The following SMIM35 variants were observed in gnomAD, a reference collection of about 807,000 sequenced individuals.
The protein encoded by SMIM35 is TMPRSS4 antisense RNA 1 (non-protein coding).
chr11:118,064,885 T>C (rs1355047513), intron 1 of SMIM35, among the ~76,000 whole-genome samples: 1 of 152,262 alleles, frequency 6.6e-6, no homozygotes, highest in African/African-American at 2.4e-5. Context: ...ACTCAAGCGA[T>C]ATACCCGCCT....
intron 1 of SMIM35, among the ~76,000 whole-genome samples, chr11:118,066,774 G>A (rs369718501): frequency 1.4e-4 from 21 of 151,502 alleles, no homozygotes; most frequent in African/African-American, 5.1e-4. Context: ...GCAGTGAGTC[G>A]TGATCCTGCC....
At chr11:118,040,044 C>CAAAA (rs35273108) in intron 1 of SMIM35, among the ~76,000 whole-genome samples, 18 of 102,184 alleles carry the variant, frequency 1.8e-4, no homozygotes, top group East Asian at 2.9e-4. Flanking sequence ...GACCTTATCT[C>CAAAA]AAAAAAAAAA....
intron 1 of SMIM35, among the ~76,000 whole-genome samples, chr11:118,081,954 C>T (rs1393103618): frequency 6.6e-6 from 1 of 152,184 alleles, no homozygotes; most frequent in Non-Finnish European, 1.5e-5. Flanking sequence ...CTGATGTCCA[C>T]AAGAAGGGGC....
chr11:118,054,276 G>A (rs1474968289), intron 1 of SMIM35, among the ~76,000 whole-genome samples: 1 of 151,492 alleles, frequency 6.6e-6, no homozygotes, highest in Non-Finnish European at 1.5e-5. Context: ...TGGACGCATT[G>A]TGCATGTACA....
At chr11:118,066,686 T>C (rs954182535) in intron 1 of SMIM35, among the ~76,000 whole-genome samples, 5 of 152,094 alleles carry the variant, frequency 3.3e-5, no homozygotes, top group African/African-American at 1.2e-4. Flanking sequence ...CAAATTATCT[T>C]AGCCGGGCAT....
At chr11:118,051,763 C>T (rs1944217559) in intron 1 of SMIM35, among the ~76,000 whole-genome samples, 1 of 152,192 alleles carries the variant, frequency 6.6e-6, no homozygotes, top group Admixed American at 6.5e-5. Flanking sequence ...TCTGTGGTTT[C>T]ACCTCTACAG....
intron 1 of SMIM35, among the ~76,000 whole-genome samples, chr11:118,024,861 C>T (rs2058261285): frequency 6.6e-6 from 1 of 152,090 alleles, no homozygotes; most frequent in Admixed American, 6.5e-5. Flanking sequence ...TACAAATGAT[C>T]CCATTACCCG....
At chr11:118,047,052 C>G (rs1300756797) in intron 1 of SMIM35, among the ~76,000 whole-genome samples, 1 of 152,130 alleles carries the variant, frequency 6.6e-6, no homozygotes, top group African/African-American at 2.4e-5. Context: ...AAGATAAAGT[C>G]AAGGAATAGA....
intron 1 of SMIM35, among the ~76,000 whole-genome samples, chr11:118,032,657 C>A (rs2058328750): frequency 1.3e-5 from 2 of 152,104 alleles, no homozygotes; most frequent in Non-Finnish European, 2.9e-5. Flanking sequence ...CCTGTAATCC[C>A]AGCCTTTGAG....
chr11:118,079,239 G>A (rs1018434338), intron 1 of SMIM35, among the ~76,000 whole-genome samples: 1 of 152,128 alleles, frequency 6.6e-6, no homozygotes, highest in African/African-American at 2.4e-5. Flanking sequence ...ACCCTTGACA[G>A]CCATAGCTCC....
chr11:118,057,510 G>A (rs141145256), intron 1 of SMIM35, among the ~76,000 whole-genome samples: 5 of 152,286 alleles, frequency 3.3e-5, no homozygotes, highest in African/African-American at 9.6e-5. Context: ...AGACTCCGCT[G>A]GGCGCTGGAG....
At chr11:118,078,691 G>T (rs1944884708) in intron 1 of SMIM35, among the ~76,000 whole-genome samples, 2 of 152,242 alleles carry the variant, frequency 1.3e-5, no homozygotes, top group East Asian at 3.9e-4. Context: ...AGGAGACCTG[G>T]GGTGTCTCTT....
At chr11:118,074,720 C>A (rs1455419847) in intron 1 of SMIM35, among the ~76,000 whole-genome samples, 2 of 150,178 alleles carry the variant, frequency 1.3e-5, no homozygotes, top group African/African-American at 2.5e-5. Flanking sequence ...GCACTCCAGC[C>A]TGGGCAACAG....
At chr11:118,019,527 C>T (rs2058208696) in intron 1 of SMIM35, among the ~76,000 whole-genome samples, 1 of 152,200 alleles carries the variant, frequency 6.6e-6, no homozygotes, top group Non-Finnish European at 1.5e-5. Context: ...CAGAGATCTG[C>T]AAAGGGGTCC....
At chr11:118,060,340 A>C (rs543795389) in intron 1 of SMIM35, among the ~76,000 whole-genome samples, 29 of 152,158 alleles carry the variant, frequency 1.9e-4, no homozygotes, top group Admixed American at 3.9e-4. Context: ...GAGTGTGAGC[A>C]CCCACTCCCA....
chr11:118,039,023 C>T (rs1591291289), intron 1 of SMIM35, among the ~76,000 whole-genome samples: 2 of 152,230 alleles, frequency 1.3e-5, no homozygotes, highest in South Asian at 4.1e-4. Context: ...AGGGTCTTAT[C>T]ATCCATTTTA....
intron 1 of SMIM35, among the ~76,000 whole-genome samples, chr11:118,046,149 G>C (rs1289031422): frequency 6.6e-6 from 1 of 152,182 alleles, no homozygotes; most frequent in African/African-American, 2.4e-5. Flanking sequence ...TCTGGACAGA[G>C]ACCAGTTAGG....
Position 118,004,065 on chromosome 11 carries a change from CCTT to C in SMIM35, c.*2342_*2344del, listed in dbSNP as rs2058110657. On this transcript the variant is annotated 3_prime_UTR_variant, in exon 5 of 5. Coordinates refer to ENST00000689828, the MANE Select transcript of SMIM35 (RefSeq NM_001394165.1). ...TCTCTTCCTGGCTTGGAGACGGCCT[CCTT>C]CTTGCTGTGGCCTTACACGGTGGAG... 6.6e-6 allele frequency: 1 copy of C among 152,202 alleles called. No homozygotes were observed. The highest frequency in any genetic ancestry group is 1.5e-5 in the Non-Finnish European group (1 of 68,064). The allele number at this position is 152,202 out of a possible 1,614,324, so 9.4% of individuals were successfully genotyped here.
At chr11:118,076,534 T>C (rs1029107177) in intron 1 of SMIM35, among the ~76,000 whole-genome samples, 2 of 152,022 alleles carry the variant, frequency 1.3e-5, no homozygotes, top group African/African-American at 4.8e-5. Context: ...GCACCAATAG[T>C]GATTTTCAGA....
Sources: allele counts gnomAD v4.1 joint callset (sites outside exome capture counted in the v4.1 genomes callset), GRCh38; gene constraint gnomAD v4.1.1; transcripts MANE v1.5; gene names NCBI Gene and HGNC (gene_info 2026-07-23, HGNC 2026-07-21).